FBN1: variants seen among roughly 807,000 people sequenced by gnomAD.
The protein encoded by FBN1 is fibrillin-1.
FBN1 carries 29 observed loss-of-function variants against 365.1 expected under a neutral mutation model. That is an observed-to-expected ratio of 0.08 (90% CI 0.06 to 0.11). The LOEUF (loss-of-function observed/expected upper bound fraction) is 0.11, where lower values mean the gene tolerates loss of function less well. FBN1 is among the 10% of genes least tolerant of loss of function. The probability of loss-of-function intolerance (pLI) is 1.00; values close to 1 mark genes in which losing one functional copy is unlikely to be tolerated. For missense variants in FBN1, 2,476 were observed against 3,703.2 expected, an observed-to-expected ratio of 0.67 and a Z score of 8.60; for synonymous variants, 1,210 against 1,270.5, an observed-to-expected ratio of 0.95 and a Z score of 1.01.
chr15:48,585,017 A>G (rs1411524303), intron 6 of FBN1, among the ~76,000 whole-genome samples: 3 of 152,264 alleles, frequency 2.0e-5, no homozygotes, highest in Non-Finnish European at 2.9e-5. Flanking sequence ...TTTAAAGAAT[A>G]TATCATTGGA....
intron 2 of FBN1, among the ~76,000 whole-genome samples, chr15:48,638,642 T>C (rs1403803228): frequency 3.3e-5 from 5 of 151,084 alleles, no homozygotes; most frequent in Non-Finnish European, 5.9e-5. Flanking sequence ...TTTACCATTA[T>C]GGCTGCAATT....
intron 6 of FBN1, among the ~76,000 whole-genome samples, chr15:48,589,667 G>A (rs1237121582): frequency 1.4e-5 from 2 of 142,844 alleles, no homozygotes; most frequent in East Asian, 4.1e-4. Context: ...AGGCTGGAGT[G>A]CAGTGGCGTG....
chr15:48,537,627 G>A lies in FBN1; in HGVS notation c.720C>T (p.Arg240=). The A allele has an allele frequency of 6.2e-7, 1 of 1,614,202 alleles. No individual in the cohort carries two copies. Among genetic ancestry groups the A allele is most frequent in the Non-Finnish European group, 8.5e-7 (1 of 1,180,040 alleles). Residue 240 remains arginine (R), a synonymous_variant, in exon 7 of 66, where the codon CGC becomes CGT. Transcript: ENST00000316623. ...CGGGTTTACCTTGACAAGCTCCCGT[G>A]CGGATATTTGGAATGAAGCCACGGC... ...PCRRGFIPNI[R]TGACQDVDEC... is the part of the protein sequence containing the mutation.
At chr15:48,522,053 T>G (rs2043861805) in intron 9 of FBN1, among the ~76,000 whole-genome samples, 1 of 152,178 alleles carries the variant, frequency 6.6e-6, no homozygotes, top group African/African-American at 2.4e-5. Flanking sequence ...TCTCATAGGA[T>G]GGTGAACCCT....
chr15:48,436,095 AC>A (rs2043070254), intron 53 of FBN1, among the ~76,000 whole-genome samples: 1 of 152,078 alleles, frequency 6.6e-6, no homozygotes. Context: ...TGAGGAGAAA[AC>A]ATTGAAATAT....
At chr15:48,551,547 T>C (rs1354860102) in intron 6 of FBN1, among the ~76,000 whole-genome samples, 1 of 151,226 alleles carries the variant, frequency 6.6e-6, no homozygotes. Flanking sequence ...AGTTCAGGGG[T>C]ACAAGCGCAG....
At chr15:48,533,629 A>G (rs1180472539) in intron 8 of FBN1, among the ~76,000 whole-genome samples, 3 of 152,200 alleles carry the variant, frequency 2.0e-5, no homozygotes. Context: ...AGCATGTACT[A>G]GGAGCATAAA....
chr15:48,540,849 C>A (rs1029443501), intron 6 of FBN1, among the ~76,000 whole-genome samples: 3 of 152,060 alleles, frequency 2.0e-5, no homozygotes, highest in Non-Finnish European at 4.4e-5. Context: ...AAAAGCATAA[C>A]GCAACATGAA....
chr15:48,474,104 A>T (rs1032854826), intron 34 of FBN1, 151 bp downstream of exon 34: 102 of 1,033,936 alleles, frequency 9.9e-5, no homozygotes, highest in Non-Finnish European at 1.2e-4. Flanking sequence ...CCTGGTTCCA[A>T]TTTTTTTTTT....
In FBN1 at chr15:48,495,389, A is replaced by T; in HGVS notation, c.2539+80T>A. ...TTTTAATATTGTTCATCCATACTTAAATTCTTTTGCAGGAAAAGCTGACAT... is the reference window on the plus strand; with the variant it reads ...TTTTAATATTGTTCATCCATACTTATATTCTTTTGCAGGAAAAGCTGACAT... On this transcript the variant is annotated intron_variant, in intron 21 of 65. Transcript: ENST00000316623. 2.5e-6 allele frequency: 4 copies of T among 1,595,718 alleles called. No individual in the cohort carries two copies. In the South Asian group the frequency reaches 4.5e-5, roughly 18 times the overall value.
chr15:48,445,582 G>T, intron 47 of FBN1, 78 bp from the exon 48 acceptor site: 3 of 1,517,830 alleles, frequency 2.0e-6, no homozygotes, highest in East Asian at 4.6e-5. Flanking sequence ...ACTTCTAAAA[G>T]AAAAAATACT....
At chr15:48,569,702 ATG>A (rs1198241419) in intron 6 of FBN1, among the ~76,000 whole-genome samples, 1 of 152,174 alleles carries the variant, frequency 6.6e-6, no homozygotes, top group Non-Finnish European at 1.5e-5. Context: ...ATAAAATAAT[ATG>A]TGTTATAAGA....
intron 9 of FBN1, 38 bp from the exon 10 acceptor site, chr15:48,520,855 T>G: frequency 1.9e-6 from 3 of 1,612,630 alleles, no homozygotes; most frequent in Non-Finnish European, 2.5e-6. Context: ...CACACATCGC[T>G]GAGATAATAC....
intron 4 of FBN1, among the ~76,000 whole-genome samples, chr15:48,604,886 T>C (rs2044594489): frequency 6.6e-6 from 1 of 152,154 alleles, no homozygotes; most frequent in African/African-American, 2.4e-5. Flanking sequence ...CTGGCCTTCT[T>C]ACACCCTTAG....
Position 48,446,702 on chromosome 15 carries a change from G to A in FBN1, c.5788+4C>T, listed in dbSNP as rs577301285. The A allele has an allele frequency of 1.8e-5, 29 of 1,577,942 alleles. No individual in the cohort carries two copies. Among genetic ancestry groups the A allele is most frequent in the Admixed American group, 1.8e-4 (11 of 59,918 alleles). ...TTTGCTGATGCACAATTTTGCACAC[G>A]CACCTATACAGTCATTGTTGTGAGA... On this transcript the variant is annotated splice_donor_region_variant and intron_variant, in intron 47 of 65. Transcript: ENST00000316623.
chr15:48,460,355 G>C lies in FBN1; in HGVS notation c.5225-38C>G, dbSNP rs778994923. ...AACAAAGGTGGGATGGGAGGATAGG[G>C]GTCAGCAAAGAACAATAATTGGACT... On this transcript the variant is annotated intron_variant, in intron 42 of 65. Transcript: ENST00000316623. 3 of 1,300,656 alleles carry C rather than the reference G, an allele frequency of 2.3e-6. No individual in the cohort carries two copies. The South Asian group carries it at 3.5e-5, about 15-fold the overall frequency. 80.6% of individuals were successfully genotyped at this position (1,300,656 alleles called of 1,614,324 possible).
At position 48,417,257 on chromosome 15, in the gene FBN1, T is replaced by A. The variant is rs190563297; in HGVS notation, c.7820-1490A>T. On this transcript the variant is annotated intron_variant, in intron 63 of 65. Coordinates refer to ENST00000316623, the MANE Select transcript of FBN1 (RefSeq NM_000138.5). ...AACAAATCTATTTTTTCTTTTTTTT[T>A]AAATTAGAAAACAGGTGGATAAAAG... Among the ~76,000 whole-genome samples the A allele has an allele frequency of 1.8e-3, 278 of 152,332 alleles. 4 individuals carry two copies. The highest frequency in any genetic ancestry group is 3.3e-3 in the Non-Finnish European group (227 of 68,032).
intron 2 of FBN1, among the ~76,000 whole-genome samples, chr15:48,628,597 C>T (rs181287997): frequency 3.3e-5 from 5 of 152,296 alleles, no homozygotes; most frequent in African/African-American, 1.2e-4. Flanking sequence ...TTTCATAGCT[C>T]ATAATAGCCT....
chr15:48,446,573 T>A, intron 47 of FBN1, 133 bp downstream of exon 47: 1 of 726,028 alleles, frequency 1.4e-6, no homozygotes, highest in Non-Finnish European at 2.5e-6. Context: ...ATTTGACAAG[T>A]CCCATAACCA....
Sources: gnomAD v4.1 joint callset for allele counts (sites outside exome capture counted in the v4.1 genomes callset) on GRCh38, gnomAD v4.1.1 for gene constraint, MANE v1.5 for transcripts, NCBI Gene and HGNC (gene_info 2026-07-23, HGNC 2026-07-21) for gene names.